Variants in PPP1R12B observed in about 807,000 individuals in gnomAD.
PPP1R12B encodes the protein protein phosphatase 1 regulatory subunit 12B.
A neutral mutation model predicts 126.1 loss-of-function variants in PPP1R12B; 76 were observed. That is an observed-to-expected ratio of 0.60 (90% CI 0.50 to 0.73). PPP1R12B has a LOEUF of 0.73. PPP1R12B is among the 30% of genes least tolerant of loss of function. The probability of loss-of-function intolerance (pLI) is 0.00; values close to 1 mark genes in which losing one functional copy is unlikely to be tolerated. For synonymous variants in PPP1R12B, 356 were observed against 434.7 expected, an observed-to-expected ratio of 0.82 and a Z score of 2.25; for missense variants, 1,052 against 1,205.1, an observed-to-expected ratio of 0.87 and a Z score of 1.88.
rs531380682 is a variant in PPP1R12B at position 202,383,413 on chromosome 1, T to C, written c.292-33374T>C. On this transcript the variant is annotated intron_variant, in intron 1 of 23. Transcript: ENST00000608999. ...TGACATCATATTCTATGTATCCTTT[T>C]GCTATGTGCTTTTTAAAATTTCCCA... 7.6e-4 allele frequency among the ~76,000 whole-genome samples: 116 copies of C among 152,356 alleles called. 1 individual carries two copies. Among genetic ancestry groups the C allele is most frequent in the African/African-American group, 2.7e-3 (112 of 41,574 alleles).
intron 12 of PPP1R12B, among the ~76,000 whole-genome samples, chr1:202,446,236 C>CTCTATATATATATA (rs1491246158): frequency 2.3e-5 from 2 of 88,046 alleles, no homozygotes; most frequent in Admixed American, 2.0e-4. Flanking sequence ...CTCTCTCTCT[C>CTCTATATATATATA]TATATATATA....
Position 202,404,064 on chromosome 1 carries a change from A to G in PPP1R12B, c.292-12723A>G, listed in dbSNP as rs1666225981. Among the ~76,000 whole-genome samples, 5 of 152,114 alleles carry G rather than the reference A, an allele frequency of 3.3e-5. No homozygotes were observed. The South Asian group carries it at 1.0e-3, about 31-fold the overall frequency. On this transcript the variant is annotated intron_variant, in intron 1 of 23. Coordinates refer to ENST00000608999, the MANE Select transcript of PPP1R12B (RefSeq NM_002481.4). ...TCCCTCCCAGTGGTTCAATCTTCAT[A>G]TTCCTACTGCAATTATCATTCTAAG...
chr1:202,483,213 T>C (rs1408937674), intron 13 of PPP1R12B, among the ~76,000 whole-genome samples: 1 of 152,156 alleles, frequency 6.6e-6, no homozygotes, highest in Non-Finnish European at 1.5e-5. Flanking sequence ...TTGCTTTGGC[T>C]ATTCATTTTT....
intron 13 of PPP1R12B, among the ~76,000 whole-genome samples, chr1:202,466,268 A>C (rs1674970292): frequency 6.6e-6 from 1 of 152,028 alleles, no homozygotes; most frequent in Non-Finnish European, 1.5e-5. Context: ...TTTTCTGGCA[A>C]AGGGCCCTGT....
Position 202,416,914 on chromosome 1 carries a change from C to T in PPP1R12B, c.419C>T (p.Ala140Val), listed in dbSNP as rs763306615. ...AAASCGYLNI[A>V]EYFINHGASV... ...GCTTCCTGTGGCTATCTCAACATAG[C>T]AGAGTGAGTGAGTCTCTGTGTGTGT... The change falls in exon 2 of 24, where the codon GCA becomes GTA. Residue 140 changes from alanine to valine, a missense_variant. Physicochemically the swap from Ala to Val is moderately conservative, Grantham distance 64. Coordinates refer to ENST00000608999, the MANE Select transcript of PPP1R12B (RefSeq NM_002481.4). 4 of 1,613,394 alleles carry T rather than the reference C, an allele frequency of 2.5e-6. No homozygotes were observed. The South Asian group carries it at 3.3e-5, about 13-fold the overall frequency.
intron 13 of PPP1R12B, among the ~76,000 whole-genome samples, chr1:202,449,726 G>T (rs1316445351): frequency 6.6e-6 from 1 of 151,646 alleles, no homozygotes; most frequent in Non-Finnish European, 1.5e-5. Context: ...TTGCTCTGTC[G>T]CCCAGGCTGG....
intron 18 of PPP1R12B, among the ~76,000 whole-genome samples, chr1:202,522,514 A>C (rs1335449970): frequency 1.3e-5 from 2 of 152,126 alleles, no homozygotes; most frequent in African/African-American, 4.8e-5. Flanking sequence ...GTAATATTTT[A>C]AATGCTTTCA....
intron 10 of PPP1R12B, chr1:202,439,357 A>G (rs577846222): frequency 3.7e-5 from 49 of 1,324,582 alleles, no homozygotes; most frequent in South Asian, 2.0e-4. Context: ...AAGACGATCC[A>G]CGCAGAACTC....
chr1:202,435,601 G>A (rs903035208), intron 9 of PPP1R12B, among the ~76,000 whole-genome samples: 1 of 152,172 alleles, frequency 6.6e-6, no homozygotes, highest in Non-Finnish European at 1.5e-5. Context: ...GAATCTGTAG[G>A]CTTCTAGTCA....
At chr1:202,503,788 T>G (rs1208424808) in intron 18 of PPP1R12B, among the ~76,000 whole-genome samples, 1 of 152,004 alleles carries the variant, frequency 6.6e-6, no homozygotes, top group Non-Finnish European at 1.5e-5. Context: ...TTACCTTTTT[T>G]TTTTTTTCAA....
Position 202,471,521 on chromosome 1 carries a change from C to A in PPP1R12B, c.1851-17012C>A, listed in dbSNP as rs563959611. ...GCCTGATTGCTCTCCTCTTTACTCT[C>A]ACCAGCAATGTACGTGAGTTTCTCA... On this transcript the variant is annotated intron_variant, in intron 13 of 23. Transcript: ENST00000608999. 1.1e-4 allele frequency among the ~76,000 whole-genome samples: 17 copies of A among 151,202 alleles called. No individual in the cohort carries two copies. In the East Asian group the frequency reaches 3.3e-3, roughly 29 times the overall value.
rs1572031676 is a variant in PPP1R12B, at chr1:202,439,691, A to G, written c.1459-1015A>G. The G allele has an allele frequency of 1.1e-5, 7 of 628,326 alleles. No individual in the cohort carries two copies. The East Asian group carries it at 2.0e-4, about 18-fold the overall frequency. 38.9% of individuals were successfully genotyped at this position (628,326 alleles called of 1,614,324 possible). ...CCCCCTTCTCCAAGTTGGAGGCAGC[A>G]AGGACTGGGGGTTGTGCAGCCCAGC... On this transcript the variant is annotated intron_variant, in intron 10 of 23. Transcript: ENST00000608999.
At chr1:202,485,660 T>C (rs1397893750) in intron 13 of PPP1R12B, among the ~76,000 whole-genome samples, 1 of 152,130 alleles carries the variant, frequency 6.6e-6, no homozygotes, top group Non-Finnish European at 1.5e-5. Flanking sequence ...CAGAATACCT[T>C]GCTCCCCTCT....
intron 13 of PPP1R12B, among the ~76,000 whole-genome samples, chr1:202,454,878 C>T (rs1401076442): frequency 1.3e-5 from 2 of 151,948 alleles, no homozygotes; most frequent in African/African-American, 4.8e-5. Context: ...ACTATTATAA[C>T]ACCACTGTAC....
At position 202,507,890 on chromosome 1, in the gene PPP1R12B, T is replaced by TA. The variant is rs750706022; in HGVS notation, c.2490+11069dup. On this transcript the variant is annotated intron_variant, in intron 18 of 23. Transcript: ENST00000608999. ...ACCATGGCTTAGGCTTAGCTAATGT[T>TA]AGAGTTCTAGCCCCATGATTGAGGT... Among the ~76,000 whole-genome samples the TA allele has an allele frequency of 2.2e-4, 33 of 152,352 alleles. No homozygotes were observed. In the Middle Eastern group the frequency reaches 0.01, roughly 47 times the overall value.
chr1:202,498,674 A>G (rs1679852602), intron 18 of PPP1R12B, among the ~76,000 whole-genome samples: 1 of 152,124 alleles, frequency 6.6e-6, no homozygotes, highest in African/African-American at 2.4e-5. Flanking sequence ...CTACATTTCT[A>G]TTTCAAGACA....
intron 1 of PPP1R12B, among the ~76,000 whole-genome samples, chr1:202,412,554 G>A (rs1349429479): frequency 1.3e-5 from 2 of 152,184 alleles, no homozygotes; most frequent in Non-Finnish European, 2.9e-5. Flanking sequence ...CTTGATAGTA[G>A]TGTGGACATT....
In PPP1R12B at chr1:202,589,790, A is replaced by G. The variant is rs962409919; in HGVS notation, c.*9230A>G. On this transcript the variant is annotated 3_prime_UTR_variant, in exon 24 of 24. Coordinates refer to ENST00000608999, the MANE Select transcript of PPP1R12B (RefSeq NM_002481.4). ...AAGCAGCAAGACAGGATAGATGTTA[A>G]AGGATCTGGGCTCATGCTCCCTCAG... 2 of 152,222 alleles carry G rather than the reference A, an allele frequency of 1.3e-5. No homozygotes were observed. The highest frequency in any genetic ancestry group is 4.8e-5 in the African/African-American group (2 of 41,438). The allele number at this position is 152,222 out of a possible 1,614,324, so 9.4% of individuals were successfully genotyped here.
At chr1:202,529,985 ATTT>A in intron 18 of PPP1R12B, among the ~76,000 whole-genome samples, 2 of 152,308 alleles carry the variant, frequency 1.3e-5, no homozygotes, top group African/African-American at 4.8e-5. Flanking sequence ...TGTACTAAAT[ATTT>A]ATAGTCTTAA....
Sources: allele counts gnomAD v4.1 joint callset (sites outside exome capture counted in the v4.1 genomes callset), GRCh38; gene constraint gnomAD v4.1.1; transcripts MANE v1.5; gene names NCBI Gene and HGNC (gene_info 2026-07-23, HGNC 2026-07-21).